The following SH2B1 variants were observed in gnomAD, a reference collection of about 807,000 sequenced individuals.
The protein encoded by SH2B1 is SH2B adaptor protein 1, also known as SH2B adapter protein 1.
In SH2B1, 15 loss-of-function variants were observed where a neutral mutation model predicts 62.6. That is an observed-to-expected ratio of 0.24 (90% confidence interval 0.16 to 0.37). The LOEUF is 0.37. Ranked by LOEUF, SH2B1 falls within the 10% of genes least tolerant of loss-of-function variation. The pLI, the probability that SH2B1 is intolerant of heterozygous loss-of-function variation, is 1.00. For synonymous variants in SH2B1, 443 were observed against 438.0 expected (o/e 1.01, Z -0.14); for missense variants, 925 against 1,015.6 (o/e 0.91, Z 1.21).
intron 4 of SH2B1, among the ~76,000 whole-genome samples, chr16:28,871,134 C>G (rs1354345156): frequency 6.6e-6 from 1 of 152,118 alleles, no homozygotes; most frequent in Non-Finnish European, 1.5e-5. Flanking sequence ...TCTTCTGCCT[C>G]AGCCTCCCAG....
intron 1 of SH2B1, among the ~76,000 whole-genome samples, chr16:28,853,147 T>C (rs1253600381): frequency 1.5e-4 from 20 of 133,224 alleles, no homozygotes; most frequent in African/African-American, 4.8e-4. Context: ...TATATAAATA[T>C]ATATAAATGT....
Position 28,872,706 on chromosome 16 carries a change from G to T in SH2B1, c.1897+1G>T. The T allele has an allele frequency of 6.2e-7, 1 of 1,614,174 alleles. No individual in the cohort carries two copies. Among genetic ancestry groups the T allele is most frequent in the South Asian group, 1.1e-5 (1 of 91,084 alleles). ...GTCCCATCCTCCCAGCGACAGCAGG[G>T]TGAGCAGAGCAGGTCTGCAGGGGAG... is the stretch of plus-strand genomic sequence containing the variant. On this transcript the variant is annotated splice_donor_variant, in intron 7 of 7. Coordinates refer to ENST00000684370, the MANE Select transcript of SH2B1 (RefSeq NM_001387430.1). LOFTEE classifies it high-confidence loss of function. The surrounding 1 kb of genome is among the most constrained non-coding windows in gnomAD (Gnocchi z 5.3).
rs1265065081 is a variant in SH2B1 at position 28,866,806 on chromosome 16, G to T, written c.712G>T (p.Gly238Cys). 1.0e-5 allele frequency: 16 copies of T among 1,583,274 alleles called. No individual in the cohort carries two copies. The highest frequency in any genetic ancestry group is 1.3e-5 in the Non-Finnish European group (15 of 1,165,712). The change falls in exon 1 of 8, where the codon GGC (glycine) becomes TGC (cysteine). Residue 238 changes from glycine (G) to cysteine (C), a missense_variant. Physicochemically the swap from Gly to Cys is radical, Grantham distance 159. Around this residue, in one of 3 missense-constraint regions of SH2B1, gnomAD observed 683 missense variants for 704.0 expected, o/e 0.97. Coordinates refer to ENST00000684370, the MANE Select transcript of SH2B1 (RefSeq NM_001387430.1). This position sits in a 1 kb window ranked among gnomAD's most constrained non-coding sequence, Gnocchi z 6.3. Reference sequence around the variant, plus strand: ...GAGGCTGAGACTCAGTCGGGGAGGGGGCGCCTTGAAGGATGGAGCAGGGAT... The same window carrying T: ...GAGGCTGAGACTCAGTCGGGGAGGGTGCGCCTTGAAGGATGGAGCAGGGAT... ...FERLRLSRGG[G>C]ALKDGAGMVQ...
At chr16:28,848,748 T>C (rs1004356606) in intron 1 of SH2B1, among the ~76,000 whole-genome samples, 4 of 145,730 alleles carry the variant, frequency 2.7e-5, no homozygotes, top group Non-Finnish European at 4.5e-5. Context: ...CTCGGCTCAC[T>C]GCAACCTCCA....
intron 1 of SH2B1, among the ~76,000 whole-genome samples, chr16:28,851,747 G>C (rs1962103885): frequency 6.7e-6 from 1 of 150,212 alleles, no homozygotes; most frequent in Non-Finnish European, 1.5e-5. Flanking sequence ...ATAGGCATGA[G>C]CCACCGCGCC....
chr16:28,871,775 T>C lies in SH2B1; in HGVS notation c.1310-5T>C, dbSNP rs1304086003. ...GGTTCTCAGCTTTGCCCTTTTTTTTTCCAGGGGCATATGGGGGCCTCTCAG... is the reference window on the plus strand; with the variant it reads ...GGTTCTCAGCTTTGCCCTTTTTTTTCCCAGGGGCATATGGGGGCCTCTCAG... On this transcript the variant is annotated splice_polypyrimidine_tract_variant and splice_region_variant and intron_variant, in intron 4 of 7. Coordinates refer to ENST00000684370, the MANE Select transcript of SH2B1 (RefSeq NM_001387430.1). 6.8e-6 allele frequency: 11 copies of C among 1,613,052 alleles called. 1 individual carries two copies. The highest frequency in any genetic ancestry group is 3.3e-5 in the Admixed American group (2 of 59,978).
upstream of SH2B1, chr16:28,863,000 G>C (rs1249617673): frequency 6.7e-6 from 1 of 149,692 alleles, no homozygotes; most frequent in Non-Finnish European, 1.5e-5. Flanking sequence ...GCGCCATCTC[G>C]GCTCACCGCA....
At position 28,873,501 on chromosome 16, in the gene SH2B1, A is replaced by G; in HGVS notation, c.1952A>G (p.Asp651Gly). ...PQPPEPPSWT[D>G]PPQPGAEEAS... The stretch of plus-strand genomic sequence containing the variant: ...CCCCCTGAACCCCCTTCATGGACAG[A>G]TCCCCCACAGCCTGGGGCAGAAGAG... The change falls in exon 8 of 8, where the codon GAT becomes GGT. Residue 651 changes from aspartate (D) to glycine (G), a missense_variant. This residue lies in a region of SH2B1 where 185 missense variants were observed against 189.5 expected (regional missense o/e 0.98). Coordinates refer to ENST00000684370, the MANE Select transcript of SH2B1 (RefSeq NM_001387430.1). The surrounding 1 kb of genome is among the most constrained non-coding windows in gnomAD (Gnocchi z 4.2). 1 of 1,588,670 alleles carries G rather than the reference A, an allele frequency of 6.3e-7. No individual in the cohort carries two copies. Among genetic ancestry groups the G allele is most frequent in the South Asian group, 1.1e-5 (1 of 87,960 alleles).
At chr16:28,871,371 C>T (rs1460095041) in intron 4 of SH2B1, among the ~76,000 whole-genome samples, 5 of 152,126 alleles carry the variant, frequency 3.3e-5, no homozygotes, top group South Asian at 2.1e-4. Flanking sequence ...CGGTGGCTCA[C>T]GCCTGTAATC....
In SH2B1 at chr16:28,873,827, C is replaced by A; in HGVS notation, c.*7C>A. On this transcript the variant is annotated 3_prime_UTR_variant, in exon 8 of 8. Coordinates refer to ENST00000684370, the MANE Select transcript of SH2B1 (RefSeq NM_001387430.1). The surrounding 1 kb of genome is among the most constrained non-coding windows in gnomAD (Gnocchi z 4.2). ...CCAGTACTCCTTCGTGTGAGCCAAC[C>A]CCACCCGCTCCACCCTTTTTAAACC... 7.0e-7 allele frequency: 1 copy of A among 1,427,950 alleles called. No individual in the cohort carries two copies. The highest frequency in any genetic ancestry group is 9.1e-7 in the Non-Finnish European group (1 of 1,093,026). The allele number at this position is 1,427,950 out of a possible 1,614,324, so 88.5% of individuals were successfully genotyped here. A position where few individuals can be genotyped will look rare whatever the true frequency, so the allele number is the denominator to read the frequency against.
Position 28,866,984 on chromosome 16 carries a change from AAGGAGAAGG to A in SH2B1, c.896_904del (p.Glu299_Gly301del). ...AAGTGTCGCCTGCTGCTTCGAAGTG[AAGGAGAAGG>A]AGGAGGAGGAAGTCGCCTGGAGTTC... On this transcript the variant is annotated inframe_deletion, in exon 1 of 8. Transcript: ENST00000684370. The surrounding 1 kb of genome is among the most constrained non-coding windows in gnomAD (Gnocchi z 6.3). 6.2e-7 allele frequency: 1 copy of A among 1,603,862 alleles called. No individual in the cohort carries two copies. The highest frequency in any genetic ancestry group is 8.5e-7 in the Non-Finnish European group (1 of 1,179,896).
intron 1 of SH2B1, among the ~76,000 whole-genome samples, chr16:28,856,085 G>T (rs1194018633): frequency 1.8e-4 from 26 of 142,538 alleles, no homozygotes; most frequent in Non-Finnish European, 3.6e-4. Flanking sequence ...GACCAGCCTG[G>T]CCAACCCCAT....
rs267604496 is a variant in SH2B1, at chr16:28,866,446, G to T, written c.352G>T (p.Ala118Ser). ...GAGCTGCAGGGTGGGTGGGCCCCTGGCTGTGCTGGGCCCTTCTCGATCATC... is the reference window on the plus strand; with the variant it reads ...GAGCTGCAGGGTGGGTGGGCCCCTGTCTGTGCTGGGCCCTTCTCGATCATC... ...LESCRVGGPLAVLGPSRSSED... is the reference protein window; with the variant it reads ...LESCRVGGPLSVLGPSRSSED... Residue 118 changes from alanine (A) to serine (S), a missense_variant, in exon 1 of 8, where the codon GCT becomes TCT. Transcript: ENST00000684370. The surrounding 1 kb of genome is among the most constrained non-coding windows in gnomAD (Gnocchi z 6.3). 1 of 1,613,922 alleles carries T rather than the reference G, an allele frequency of 6.2e-7. No individual in the cohort carries two copies. Among genetic ancestry groups the T allele is most frequent in the Non-Finnish European group, 8.5e-7 (1 of 1,180,010 alleles).
At chr16:28,855,347 G>A (rs1962295913) in intron 1 of SH2B1, among the ~76,000 whole-genome samples, 1 of 151,586 alleles carries the variant, frequency 6.6e-6, no homozygotes, top group African/African-American at 2.4e-5. Flanking sequence ...AGCTTCCCAA[G>A]TAGCTGGGAT....
intron 2 of SH2B1, 25 bp downstream of exon 2, chr16:28,867,457 C>G (rs1056899285): frequency 6.4e-7 from 1 of 1,560,084 alleles, no homozygotes; most frequent in Middle Eastern, 1.7e-4. Context: ...TCCCAGCCGC[C>G]GGCAGTGCTT....
upstream of SH2B1, among the ~76,000 whole-genome samples, chr16:28,861,180 T>C (rs919842107): frequency 5.3e-5 from 8 of 152,324 alleles, no homozygotes; most frequent in East Asian, 1.5e-3. Context: ...TTGCCCAGGC[T>C]GGAGTGCCGT....
rs898034634 is a variant in SH2B1 at position 28,872,647 on chromosome 16, G to A, written c.1839G>A (p.Ser613=). 1.3e-5 allele frequency: 21 copies of A among 1,614,002 alleles called. No individual in the cohort carries two copies. Among genetic ancestry groups the A allele is most frequent in the Middle Eastern group, 1.6e-4 (1 of 6,084 alleles). ...HFRVHPIPLE[S]GGSSDVVLVS... is the part of the protein sequence containing the mutation. ...GGGTGCACCCCATCCCTTTGGAGTC[G>A]GGAGGCTCCAGTGATGTTGTCCTTG... Residue 613 remains serine (S), a synonymous_variant, in exon 7 of 8, where the codon TCG becomes TCA. Coordinates refer to ENST00000684370, the MANE Select transcript of SH2B1 (RefSeq NM_001387430.1). The surrounding 1 kb of genome is among the most constrained non-coding windows in gnomAD (Gnocchi z 5.3).
rs767256475 is a variant in SH2B1, at chr16:28,873,552, C to T, written c.2003C>T (p.Ala668Val). The T allele has an allele frequency of 1.2e-6, 2 of 1,600,502 alleles. No individual in the cohort carries two copies. Among genetic ancestry groups the T allele is most frequent in the Non-Finnish European group, 8.5e-7 (1 of 1,174,458 alleles). Reference sequence around the variant, plus strand: ...GCGTCGAGGGCGCCAGAAGTGGCGGCAGCAGCAGCCGCAGCAGCCAAAGAG... The same window carrying T: ...GCGTCGAGGGCGCCAGAAGTGGCGGTAGCAGCAGCCGCAGCAGCCAAAGAG... ...EEASRAPEVA[A>V]AAAAAAKERQ... Residue 668 changes from alanine (A) to valine (V), a missense_variant, in exon 8 of 8, where the codon GCA becomes GTA. Transcript: ENST00000684370. This position sits in a 1 kb window ranked among gnomAD's most constrained non-coding sequence, Gnocchi z 4.2.
chr16:28,860,272 G>A (rs1189156455), upstream of SH2B1, among the ~76,000 whole-genome samples: 4 of 126,520 alleles, frequency 3.2e-5, no homozygotes, highest in Non-Finnish European at 6.3e-5. Flanking sequence ...TTTTTTTTAC[G>A]ATGGAGTCTT....
Sources: gnomAD v4.1 joint callset for allele counts (sites outside exome capture counted in the v4.1 genomes callset) on GRCh38, gnomAD v4.1.1 for gene constraint, gnomAD v4.1.1 regional missense constraint, Gnocchi (gnomAD v3.1) non-coding constraint, MANE v1.5 for transcripts, NCBI Gene and HGNC (gene_info 2026-07-23, HGNC 2026-07-21) for gene names.